Variants in HS6ST3 observed in about 807,000 individuals in gnomAD.
The protein encoded by HS6ST3 is heparan sulfate 6-O-sulfotransferase 3, also known as heparan-sulfate 6-O-sulfotransferase 3.
A neutral mutation model predicts 36.7 loss-of-function variants in HS6ST3; 12 were observed. The ratio of observed to expected loss-of-function variants is 0.33; its 90% CI spans 0.21 to 0.53. The LOEUF (loss-of-function observed/expected upper bound fraction) is 0.53. Among genes scored for constraint, HS6ST3 ranks in the 20% least tolerant of loss-of-function variants. The pLI, the probability that HS6ST3 is intolerant of heterozygous loss-of-function variation, is 0.95. For missense variants in HS6ST3, 584 were observed against 640.9 expected, an observed-to-expected ratio of 0.91 and a Z score of 0.96; for synonymous variants, 240 against 257.5, an observed-to-expected ratio of 0.93 and a Z score of 0.65.
At chr13:96,095,903 T>TGTGTGTGTGTGTGTGTGTGTGTG (rs2053788466) in intron 1 of HS6ST3, among the ~76,000 whole-genome samples, 1 of 149,352 alleles carries the variant, frequency 6.7e-6, no homozygotes, top group African/African-American at 2.5e-5. Context: ...TGTGTGTGTG[T>TGTGTGTGTGTGTGTGTGTGTGTG]TATCAGGAAG....
At chr13:96,358,921 G>T (rs1218448789) in intron 1 of HS6ST3, among the ~76,000 whole-genome samples, 139 of 147,016 alleles carry the variant, frequency 9.5e-4, no homozygotes, top group African/African-American at 3.3e-3. Flanking sequence ...TCTATCTAGA[G>T]AGAGATGACA....
At chr13:96,220,060 A>G (rs1225059763) in intron 1 of HS6ST3, among the ~76,000 whole-genome samples, 1 of 152,162 alleles carries the variant, frequency 6.6e-6, no homozygotes, top group Non-Finnish European at 1.5e-5. Flanking sequence ...TTCATTGAGC[A>G]CCTCCTATGT....
intron 1 of HS6ST3, among the ~76,000 whole-genome samples, chr13:96,741,426 A>T (rs1485879555): frequency 6.6e-6 from 1 of 152,208 alleles, no homozygotes; most frequent in Non-Finnish European, 1.5e-5. Context: ...TGCACACTGC[A>T]CTTCCAAGAC....
At chr13:96,327,919 G>T (rs1189281186) in intron 1 of HS6ST3, among the ~76,000 whole-genome samples, 1 of 140,346 alleles carries the variant, frequency 7.1e-6, no homozygotes, top group Non-Finnish European at 1.6e-5. Flanking sequence ...TGGATTCCTA[G>T]GTATTTTATT....
At chr13:96,230,148 T>C (rs2054500751) in intron 1 of HS6ST3, among the ~76,000 whole-genome samples, 1 of 152,114 alleles carries the variant, frequency 6.6e-6, no homozygotes, top group South Asian at 2.1e-4. Context: ...CTGTGGGTAA[T>C]GGTGAGTTGT....
intron 1 of HS6ST3, among the ~76,000 whole-genome samples, chr13:96,522,666 G>A (rs1372232655): frequency 1.8e-5 from 2 of 112,594 alleles, no homozygotes; most frequent in South Asian, 3.7e-4. Context: ...AGTCAGGATT[G>A]CAACCCCTGC....
At chr13:96,406,606 C>G (rs909915506) in intron 1 of HS6ST3, among the ~76,000 whole-genome samples, 2 of 152,148 alleles carry the variant, frequency 1.3e-5, no homozygotes, top group Admixed American at 1.3e-4. Context: ...TATTTATTCT[C>G]AATTTTTCTT....
Position 96,769,851 on chromosome 13 carries a change from G to T in HS6ST3, c.708-62639G>T, listed in dbSNP as rs139052446. On this transcript the variant is annotated intron_variant, in intron 1 of 1. Transcript: ENST00000376705. ...TACTCTACTCTGTTCTTATTTTGGA[G>T]CCATACAATTACATCATTAAGTTAA... is the stretch of plus-strand genomic sequence containing the variant. 4.4e-3 allele frequency among the ~76,000 whole-genome samples: 663 copies of T among 151,838 alleles called. 1 individual carries two copies. Among genetic ancestry groups the T allele is most frequent in the Non-Finnish European group, 7.2e-3 (487 of 67,972 alleles).
intron 1 of HS6ST3, among the ~76,000 whole-genome samples, chr13:96,206,846 T>C (rs947036538): frequency 1.3e-5 from 2 of 151,934 alleles, no homozygotes; most frequent in Non-Finnish European, 2.9e-5. Context: ...AACCCAGAAC[T>C]ATAAAAATCC....
At chr13:96,786,916 C>T (rs1409496116) in intron 1 of HS6ST3, among the ~76,000 whole-genome samples, 1 of 152,054 alleles carries the variant, frequency 6.6e-6, no homozygotes, top group Non-Finnish European at 1.5e-5. Flanking sequence ...TAGGTAACCA[C>T]TGATCTGTTC....
chr13:96,811,770 C>T (rs1878321525), intron 1 of HS6ST3, among the ~76,000 whole-genome samples: 1 of 152,138 alleles, frequency 6.6e-6, no homozygotes, highest in Non-Finnish European at 1.5e-5. Context: ...ATGTGAAGAA[C>T]ATTAAGGCTA....
intron 1 of HS6ST3, among the ~76,000 whole-genome samples, chr13:96,364,104 C>A (rs976912173): frequency 6.6e-6 from 1 of 151,912 alleles, no homozygotes; most frequent in South Asian, 2.1e-4. Flanking sequence ...ATTTAGGTAC[C>A]TGTTACTTAA....
intron 1 of HS6ST3, among the ~76,000 whole-genome samples, chr13:96,580,394 T>A (rs2056337707): frequency 6.6e-6 from 1 of 150,838 alleles, no homozygotes; most frequent in Non-Finnish European, 1.5e-5. Context: ...AACACTTTGT[T>A]TTTTTTTTTG....
At chr13:96,806,127 A>T (rs112418591) in intron 1 of HS6ST3, among the ~76,000 whole-genome samples, 106 of 152,322 alleles carry the variant, frequency 7.0e-4, no homozygotes, top group Non-Finnish European at 1.3e-3. Context: ...TAGAGGTGGG[A>T]TTGATTCTAT....
At chr13:96,832,343 A>G (rs1594870696) in intron 1 of HS6ST3, 147 bp from the exon 2 acceptor site, 2 of 611,264 alleles carry the variant, frequency 3.3e-6, no homozygotes, top group East Asian at 2.8e-5. Flanking sequence ...ATGCACATGC[A>G]TCAATAGACA....
At chr13:96,263,451 T>A (rs1225279468) in intron 1 of HS6ST3, among the ~76,000 whole-genome samples, 3 of 152,188 alleles carry the variant, frequency 2.0e-5, no homozygotes, top group Non-Finnish European at 2.9e-5. Context: ...CACATTAATA[T>A]AAGAAATGGA....
chr13:96,378,937 C>T (rs955099478), intron 1 of HS6ST3, among the ~76,000 whole-genome samples: 26 of 152,186 alleles, frequency 1.7e-4, no homozygotes, highest in Non-Finnish European at 2.2e-4. Flanking sequence ...AGCTTGAATC[C>T]GGAGAGATGT....
At chr13:96,425,128 G>A (rs141816954) in intron 1 of HS6ST3, among the ~76,000 whole-genome samples, 2 of 152,268 alleles carry the variant, frequency 1.3e-5, no homozygotes, top group East Asian at 3.9e-4. Context: ...CTATATGCAT[G>A]TAACTAAAGG....
chr13:96,819,569 A>G (rs1253019020), intron 1 of HS6ST3, among the ~76,000 whole-genome samples: 2 of 152,198 alleles, frequency 1.3e-5, no homozygotes, highest in South Asian at 2.1e-4. Context: ...TGGGTAGTCA[A>G]TTGATGACTC....
Sources: allele counts gnomAD v4.1 joint callset (sites outside exome capture counted in the v4.1 genomes callset), GRCh38; gene constraint gnomAD v4.1.1; transcripts MANE v1.5; gene names NCBI Gene and HGNC (gene_info 2026-07-23, HGNC 2026-07-21).